Variants in IL16 observed in about 807,000 individuals in gnomAD.
The protein encoded by IL16 is pro-interleukin-16.
IL16 carries 67 observed loss-of-function variants against 110.1 expected under a neutral mutation model. The ratio of observed to expected loss-of-function variants is 0.61; its 90% CI spans 0.50 to 0.75. IL16 has a LOEUF of 0.75. Among genes scored for constraint, IL16 ranks in the 30% least tolerant of loss-of-function variants. The probability of loss-of-function intolerance (pLI) is 0.00; values close to 1 mark genes in which losing one functional copy is unlikely to be tolerated. For synonymous variants in IL16, 689 were observed against 662.9 expected, an observed-to-expected ratio of 1.04 and a Z score of -0.61; for missense variants, 1,545 against 1,655.0, an observed-to-expected ratio of 0.93 and a Z score of 1.15.
At chr15:81,243,091 T>C (rs187231954) in intron 2 of IL16, among the ~76,000 whole-genome samples, 1 of 145,166 alleles carries the variant, frequency 6.9e-6, no homozygotes, top group African/African-American at 2.5e-5. Context: ...ATTCTTTTCA[T>C]ATATTGATGA....
rs1897490570 is a variant in IL16, at chr15:81,245,075, T to C, written c.313-14697T>C. Among the ~76,000 whole-genome samples, 3 of 152,260 alleles carry C rather than the reference T, an allele frequency of 2.0e-5. No homozygotes were observed. The South Asian group carries it at 6.2e-4, about 31-fold the overall frequency. On this transcript the variant is annotated intron_variant, in intron 2 of 18. Transcript: ENST00000683961. ...TGTTTTGAGCATGTTTGCAATTGCT[T>C]ATTTAAAACATTTTATGACAGCTGC...
intron 16 of IL16, chr15:81,305,679 TG>T: frequency 5.2e-6 from 3 of 572,200 alleles, no homozygotes; most frequent in Admixed American, 3.2e-5. Context: ...TGTGTTGGGA[TG>T]GATTCTGAGG....
Position 81,301,372 on chromosome 15 carries a change from G to A in IL16, c.3178G>A (p.Gly1060Ser). 6.2e-7 allele frequency: 1 copy of A among 1,612,792 alleles called. No homozygotes were observed. Among genetic ancestry groups the A allele is most frequent in the Non-Finnish European group, 8.5e-7 (1 of 1,179,622 alleles). ...TTCAGAGCTGAGAGAATATACAGAG[G>A]GTCTCACGGAAGCCAAGGAAGACGA... ...NLSELREYTE[G>S]LTEAKEDDDG... Residue 1060 changes from glycine to serine, a missense_variant, in exon 15 of 19, where the codon GGT (glycine) becomes AGT (serine). By Grantham distance (56) the Gly-to-Ser change is moderately conservative. Around this residue, in one of 3 missense-constraint regions of IL16, gnomAD observed 356 missense variants for 399.3 expected, o/e 0.89. Coordinates refer to ENST00000683961, the MANE Select transcript of IL16 (RefSeq NM_172217.5).
At chr15:81,255,531 T>C (rs1897913899) in intron 2 of IL16, among the ~76,000 whole-genome samples, 1 of 152,234 alleles carries the variant, frequency 6.6e-6, no homozygotes, top group Non-Finnish European at 1.5e-5. Context: ...GAAGGACTCA[T>C]CTGCATAGCC....
At chr15:81,247,351 T>A (rs761132785) in intron 2 of IL16, among the ~76,000 whole-genome samples, 1 of 152,172 alleles carries the variant, frequency 6.6e-6, no homozygotes, top group Non-Finnish European at 1.5e-5. Context: ...CAAGATTTAA[T>A]ATGTAAAATT....
intron 1 of IL16, among the ~76,000 whole-genome samples, chr15:81,197,997 G>A (rs371062793): frequency 2.0e-5 from 3 of 152,022 alleles, no homozygotes; most frequent in African/African-American, 2.4e-5. Context: ...AGTTTCCCCC[G>A]GAAGGAGAAG....
In IL16 at chr15:81,305,945, A is replaced by G. The variant is rs1900527994; in HGVS notation, c.3458A>G (p.Glu1153Gly). The change falls in exon 17 of 19, where the codon GAA becomes GGA. Residue 1153 changes from glutamate (E) to glycine (G), a missense_variant. Around this residue, in one of 3 missense-constraint regions of IL16, gnomAD observed 356 missense variants for 399.3 expected, o/e 0.89. Coordinates refer to ENST00000683961, the MANE Select transcript of IL16 (RefSeq NM_172217.5). Reference protein sequence around the residue: ...RVFPNGLASQEGTIQKGNEVL... With the variant: ...RVFPNGLASQGGTIQKGNEVL... ...TTTCCAAATGGGCTGGCCTCCCAGGAAGGGACTATTCAGAAGGGCAATGAG... is the reference window on the plus strand; with the variant it reads ...TTTCCAAATGGGCTGGCCTCCCAGGGAGGGACTATTCAGAAGGGCAATGAG... The G allele has an allele frequency of 1.2e-6, 2 of 1,614,214 alleles. No homozygotes were observed. Among genetic ancestry groups the G allele is most frequent in the East Asian group, 4.5e-5 (2 of 44,886 alleles).
intron 8 of IL16, among the ~76,000 whole-genome samples, chr15:81,280,349 C>A (rs181603888): frequency 3.3e-5 from 5 of 152,316 alleles, no homozygotes; most frequent in Admixed American, 2.6e-4. Context: ...AGAATGAAGG[C>A]CAGCATGGCT....
chr15:81,253,272 G>C (rs187589538), intron 2 of IL16, among the ~76,000 whole-genome samples: 1 of 152,104 alleles, frequency 6.6e-6, no homozygotes, highest in African/African-American at 2.4e-5. Flanking sequence ...TATATCATTT[G>C]AAAAAATGTC....
chr15:81,267,785 A>G (rs1898457282), intron 4 of IL16, among the ~76,000 whole-genome samples: 1 of 152,228 alleles, frequency 6.6e-6, no homozygotes, highest in South Asian at 2.1e-4. Context: ...TCACGCACGA[A>G]GGATGCTTTC....
intron 1 of IL16, among the ~76,000 whole-genome samples, chr15:81,200,743 G>T (rs1300110671): frequency 1.3e-5 from 2 of 152,156 alleles, no homozygotes; most frequent in Admixed American, 1.3e-4. Context: ...GTGAAAATGT[G>T]TCAGGAGAGT....
At chr15:81,182,778 A>G in exon 1 of IL16, 1 of 878,084 alleles carries the variant, frequency 1.1e-6, no homozygotes. Flanking sequence ...AGAAGCTGCC[A>G]TCGATCCTCC....
intron 12 of IL16, among the ~76,000 whole-genome samples, chr15:81,294,247 T>G (rs907771907): frequency 6.6e-6 from 1 of 152,230 alleles, no homozygotes; most frequent in Non-Finnish European, 1.5e-5. Flanking sequence ...AGGATGTGGC[T>G]GGTTAGCAAC....
chr15:81,231,330 C>G (rs888498978), intron 2 of IL16, among the ~76,000 whole-genome samples: 8 of 98,638 alleles, frequency 8.1e-5, no homozygotes, highest in African/African-American at 3.1e-4. Context: ...GTCTGTCTCT[C>G]TCTCTCTCTC....
chr15:81,267,132 C>T lies in IL16; in HGVS notation c.564+1331C>T, dbSNP rs1226077542. Among the ~76,000 whole-genome samples, 17 of 152,266 alleles carry T rather than the reference C, an allele frequency of 1.1e-4. No individual in the cohort carries two copies. The South Asian group carries it at 1.7e-3, about 15-fold the overall frequency. ...GCTGGGTCCCTGAGGATTGGGCTAG[C>T]GGGTACTTCCTGGGGGAAGCTGCTT... On this transcript the variant is annotated intron_variant, in intron 4 of 18. Transcript: ENST00000683961.
chr15:81,248,096 C>A (rs191891159), intron 2 of IL16, among the ~76,000 whole-genome samples: 3 of 152,224 alleles, frequency 2.0e-5, no homozygotes, highest in African/African-American at 4.8e-5. Flanking sequence ...TTATAAGGTG[C>A]GAACATTTAG....
intron 2 of IL16, among the ~76,000 whole-genome samples, chr15:81,240,967 C>T (rs1381894761): frequency 6.6e-6 from 1 of 151,930 alleles, no homozygotes; most frequent in East Asian, 1.9e-4. Context: ...TTTAGTCTAC[C>T]TGGAATTGAT....
chr15:81,216,083 C>T (rs1019527134), intron 1 of IL16, among the ~76,000 whole-genome samples: 3 of 152,224 alleles, frequency 2.0e-5, no homozygotes, highest in Admixed American at 6.5e-5. Context: ...GAAGCCAGCC[C>T]TGCTCTCTCC....
At chr15:81,215,616 A>G (rs772635528) in intron 1 of IL16, among the ~76,000 whole-genome samples, 6 of 152,116 alleles carry the variant, frequency 3.9e-5, no homozygotes, top group Non-Finnish European at 7.4e-5. Context: ...TTCTTTTGTT[A>G]GGTGTTCCAG....
Sources: gnomAD v4.1 joint callset for allele counts (sites outside exome capture counted in the v4.1 genomes callset) on GRCh38, gnomAD v4.1.1 for gene constraint, gnomAD v4.1.1 regional missense constraint, MANE v1.5 for transcripts, NCBI Gene and HGNC (gene_info 2026-07-23, HGNC 2026-07-21) for gene names.